The following TMEM135 variants were observed in gnomAD, a reference collection of about 807,000 sequenced individuals.
The protein encoded by TMEM135 is peroxisomal membrane protein 52.
A neutral mutation model predicts 60.3 loss-of-function variants in TMEM135; 30 were observed. The ratio of observed to expected loss-of-function variants is 0.50; its 90% CI spans 0.37 to 0.68. The LOEUF is 0.68. TMEM135 is among the 30% of genes least tolerant of loss of function. The pLI, the probability that TMEM135 is intolerant of heterozygous loss-of-function variation, is 0.00. For missense variants in TMEM135, 468 were observed against 548.8 expected (o/e 0.85, Z 1.47); for synonymous variants, 190 against 186.7 (o/e 1.02, Z -0.14).
At chr11:87,258,827 GC>G in intron 6 of TMEM135, 2 of 683,884 alleles carry the variant, frequency 2.9e-6, no homozygotes, top group Non-Finnish European at 5.2e-6. Context: ...CACGGAGACA[GC>G]TCATATACGG....
chr11:87,079,995 C>T (rs1856955048), intron 3 of TMEM135, among the ~76,000 whole-genome samples: 1 of 151,132 alleles, frequency 6.6e-6, no homozygotes, highest in Non-Finnish European at 1.5e-5. Context: ...GTGCGTGCCA[C>T]CTCGCCTGGC....
intron 1 of TMEM135, among the ~76,000 whole-genome samples, chr11:87,055,970 G>A (rs1355386508): frequency 6.6e-6 from 1 of 152,126 alleles, no homozygotes; most frequent in African/African-American, 2.4e-5. Context: ...GTGGTGAAAG[G>A]ACAGTTACTC....
Position 87,037,942 on chromosome 11 carries a change from C to G in TMEM135, c.-104C>G, listed in dbSNP as rs1565416467. Reference sequence around the variant, plus strand: ...CGTGACCTTTCCCCTCCATTCCGCACCTCCGAGTGCTGGCCGGGCGAGAGG... The same window carrying G: ...CGTGACCTTTCCCCTCCATTCCGCAGCTCCGAGTGCTGGCCGGGCGAGAGG... On this transcript the variant is annotated 5_prime_UTR_variant, in exon 1 of 15. Transcript: ENST00000305494. 1 of 1,555,952 alleles carries G rather than the reference C, an allele frequency of 6.4e-7. No homozygotes were observed. Among genetic ancestry groups the G allele is most frequent in the Non-Finnish European group, 8.8e-7 (1 of 1,137,740 alleles).
chr11:87,169,635 C>A (rs970846683), intron 5 of TMEM135, among the ~76,000 whole-genome samples: 1 of 152,100 alleles, frequency 6.6e-6, no homozygotes. Flanking sequence ...GGCCCTCACT[C>A]TCTTCTTGCT....
At chr11:87,202,939 A>G (rs1940149763) in intron 5 of TMEM135, among the ~76,000 whole-genome samples, 2 of 146,126 alleles carry the variant, frequency 1.4e-5, no homozygotes, top group South Asian at 4.6e-4. Flanking sequence ...AGGCTGAGGC[A>G]GGAGAATGGC....
intron 6 of TMEM135, among the ~76,000 whole-genome samples, chr11:87,248,820 A>T (rs1941352564): frequency 6.6e-6 from 1 of 151,942 alleles, no homozygotes. Context: ...CATTGTAGAG[A>T]TCTTCCATTT....
chr11:87,071,915 G>A (rs1290409858), intron 3 of TMEM135, among the ~76,000 whole-genome samples: 2 of 152,110 alleles, frequency 1.3e-5, no homozygotes, highest in Admixed American at 1.3e-4. Context: ...TTCTAGGCCA[G>A]GCAGCTCATT....
intron 5 of TMEM135, among the ~76,000 whole-genome samples, chr11:87,184,675 T>G (rs1939606634): frequency 6.6e-6 from 1 of 152,150 alleles, no homozygotes; most frequent in Admixed American, 6.5e-5. Context: ...TAAGAGACTC[T>G]AAATATAATG....
chr11:87,327,955 G>T lies in TMEM135; in HGVS notation c.*6622G>T. On this transcript the variant is annotated 3_prime_UTR_variant, in exon 15 of 15. Coordinates refer to ENST00000305494, the MANE Select transcript of TMEM135 (RefSeq NM_022918.4). The stretch of plus-strand genomic sequence containing the variant: ...TTGGAGGTGCCTGCCCATATTGAGG[G>T]CAGATCTTCTCTGCCTAGTCCACGC... The T allele has an allele frequency of 2.2e-6, 1 of 453,968 alleles. No homozygotes were observed. Among genetic ancestry groups the T allele is most frequent in the Non-Finnish European group, 4.4e-6 (1 of 226,772 alleles). The allele number at this position is 453,968 out of a possible 1,614,324, so 28.1% of individuals were successfully genotyped here.
At chr11:87,100,021 ATCGT>A (rs1338455545) in intron 4 of TMEM135, among the ~76,000 whole-genome samples, 4 of 152,102 alleles carry the variant, frequency 2.6e-5, no homozygotes, top group Non-Finnish European at 4.4e-5. Context: ...TGGTGGCTGT[ATCGT>A]TTTGTTAGGG....
intron 8 of TMEM135, 27 bp downstream of exon 8, chr11:87,302,469 C>A (rs1389233128): frequency 6.2e-7 from 1 of 1,613,320 alleles, no homozygotes; most frequent in Non-Finnish European, 8.5e-7. Context: ...GATATTTTAA[C>A]CTGCTTTGTC....
chr11:87,228,479 C>A (rs547252079), intron 5 of TMEM135, among the ~76,000 whole-genome samples: 4 of 152,032 alleles, frequency 2.6e-5, no homozygotes, highest in Admixed American at 6.6e-5. Flanking sequence ...CAAGAGGAAG[C>A]GTATTGCTCT....
chr11:87,209,407 G>GA (rs1022575811), intron 5 of TMEM135, among the ~76,000 whole-genome samples: 2 of 151,808 alleles, frequency 1.3e-5, no homozygotes, highest in Admixed American at 6.6e-5. Flanking sequence ...TCTTATATCA[G>GA]AAAAAAACAG....
chr11:87,129,866 AATACT>A (rs1937867725), intron 4 of TMEM135, among the ~76,000 whole-genome samples: 1 of 152,106 alleles, frequency 6.6e-6, no homozygotes, highest in Non-Finnish European at 1.5e-5. Flanking sequence ...TTTTGTCATA[AATACT>A]ATACAACTGG....
chr11:87,129,544 ATTTTTT>A (rs371919827), intron 4 of TMEM135, among the ~76,000 whole-genome samples: 2 of 125,654 alleles, frequency 1.6e-5, no homozygotes, highest in African/African-American at 6.2e-5. Flanking sequence ...TGCTTGGCCA[ATTTTTT>A]TTTTTTTTGA....
chr11:87,274,747 G>T (rs1941935167), intron 6 of TMEM135, among the ~76,000 whole-genome samples: 1 of 151,090 alleles, frequency 6.6e-6, no homozygotes, highest in African/African-American at 2.4e-5. Flanking sequence ...GACTGCTTGA[G>T]GCTAGGAGTT....
intron 6 of TMEM135, among the ~76,000 whole-genome samples, chr11:87,244,484 C>G (rs1258878320): frequency 1.0e-5 from 1 of 96,588 alleles, no homozygotes; most frequent in Non-Finnish European, 2.4e-5. Context: ...CTGTCCTGGA[C>G]TCTTTTTGGT....
chr11:87,221,566 TC>T (rs955267015), intron 5 of TMEM135, among the ~76,000 whole-genome samples: 47 of 152,310 alleles, frequency 3.1e-4, no homozygotes, highest in Admixed American at 2.9e-3. Context: ...TGGACTAGAT[TC>T]ATTCTTGATG....
chr11:87,277,872 C>G (rs1031940788), intron 6 of TMEM135, among the ~76,000 whole-genome samples: 8 of 152,170 alleles, frequency 5.3e-5, no homozygotes, highest in Non-Finnish European at 1.2e-4. Flanking sequence ...CTTTAATTGT[C>G]TACCCTGTGA....
Sources: allele counts gnomAD v4.1 joint callset (sites outside exome capture counted in the v4.1 genomes callset), GRCh38; gene constraint gnomAD v4.1.1; transcripts MANE v1.5; gene names NCBI Gene and HGNC (gene_info 2026-07-23, HGNC 2026-07-21).